The following VCPIP1 variants were observed in gnomAD, a reference collection of about 807,000 sequenced individuals.
VCPIP1 encodes the protein valosin containing protein interacting protein 1.
VCPIP1 carries 8 observed loss-of-function variants against 85.0 expected under a neutral mutation model. The observed-to-expected ratio is 0.09, with a 90% CI of 0.06 to 0.17. VCPIP1 has a LOEUF of 0.17. VCPIP1 is among the 10% of genes least tolerant of loss of function. VCPIP1 has a pLI of 1.00. For missense variants in VCPIP1, 1,070 were observed against 1,486.3 expected (o/e 0.72, Z 4.61); for synonymous variants, 543 against 544.5 (o/e 1.00, Z 0.04).
At chr8:66,645,402 G>C (rs2130159319) in intron 2 of VCPIP1, among the ~76,000 whole-genome samples, 1 of 152,182 alleles carries the variant, frequency 6.6e-6, no homozygotes, top group South Asian at 2.1e-4. Context: ...ATGGGCAACA[G>C]AGCAAGACTC....
chr8:66,662,182 A>C (rs534973808), intron 1 of VCPIP1, among the ~76,000 whole-genome samples: 1 of 152,218 alleles, frequency 6.6e-6, no homozygotes, highest in Non-Finnish European at 1.5e-5. Context: ...TCACCTGTAC[A>C]TCAAAACTTG....
At chr8:66,638,058 A>G (rs1176930583) in intron 2 of VCPIP1, among the ~76,000 whole-genome samples, 1 of 152,244 alleles carries the variant, frequency 6.6e-6, no homozygotes, top group Non-Finnish European at 1.5e-5. Context: ...TACATTAAAA[A>G]CCCAGAAACT....
chr8:66,634,013 TAATA>T lies in VCPIP1; in HGVS notation c.*484_*487del, dbSNP rs1481776813. 2.6e-5 allele frequency: 4 copies of T among 152,654 alleles called. 1 individual carries two copies. The highest frequency in any genetic ancestry group is 4.1e-4 in the South Asian group (2 of 4,834). The allele number at this position is 152,654 out of a possible 1,614,324, so 9.5% of individuals were successfully genotyped here. On this transcript the variant is annotated 3_prime_UTR_variant, in exon 3 of 3. Transcript: ENST00000310421. ...ATAGAAACATTTGCATTCCACTGTC[TAATA>T]AATAATTGTATGAATTTTAAGATAC...
intron 1 of VCPIP1, among the ~76,000 whole-genome samples, chr8:66,654,921 T>C (rs1254216509): frequency 2.6e-5 from 4 of 152,242 alleles, no homozygotes; most frequent in Admixed American, 6.5e-5. Flanking sequence ...AGTTGGACCT[T>C]GCCTTTCCCA....
At chr8:66,645,466 T>G (rs1810986300) in intron 2 of VCPIP1, among the ~76,000 whole-genome samples, 1 of 152,058 alleles carries the variant, frequency 6.6e-6, no homozygotes, top group African/African-American at 2.4e-5. Flanking sequence ...TTCTATGTAC[T>G]AGAAATGAAC....
At chr8:66,646,024 C>T (rs1423193488) in intron 2 of VCPIP1, among the ~76,000 whole-genome samples, 3 of 152,008 alleles carry the variant, frequency 2.0e-5, no homozygotes, top group Non-Finnish European at 2.9e-5. Flanking sequence ...TACAGATGCT[C>T]CTCAACTTAC....
At chr8:66,646,141 C>T (rs1272084466) in intron 2 of VCPIP1, among the ~76,000 whole-genome samples, 2 of 149,488 alleles carry the variant, frequency 1.3e-5, no homozygotes, top group African/African-American at 2.5e-5. Context: ...AGTGTGATCT[C>T]GGCTCAATGC....
Position 66,667,178 on chromosome 8 carries a change from C to G in VCPIP1, c.-220G>C. On this transcript the variant is annotated 5_prime_UTR_variant, in exon 1 of 3. Transcript: ENST00000310421. ...GCCGTTGCCCCGAACGTAACGGCCA[C>G]CACCCCACCCCGCACTCACACTCAC... 1 of 923,702 alleles carries G rather than the reference C, an allele frequency of 1.1e-6. No individual in the cohort carries two copies. Among genetic ancestry groups the G allele is most frequent in the Non-Finnish European group, 1.5e-6 (1 of 655,308 alleles). The allele number at this position is 923,702 out of a possible 1,614,324, so 57.2% of individuals were successfully genotyped here. A position where few individuals can be genotyped will look rare whatever the true frequency, so the allele number is the denominator to read the frequency against.
At chr8:66,637,665 A>C (rs567091713) in intron 2 of VCPIP1, among the ~76,000 whole-genome samples, 7 of 151,502 alleles carry the variant, frequency 4.6e-5, no homozygotes, top group Non-Finnish European at 1.0e-4. Flanking sequence ...TCTCTATCAC[A>C]TATCAACAAT....
rs547829723 is a variant in VCPIP1, at chr8:66,641,251, T to C, written c.2798-5879A>G. ...CCGTTTCAACTCCAGAGCTCTAAAC[T>C]ACCTCTTAATGATAAATACCACATG... On this transcript the variant is annotated intron_variant, in intron 2 of 2. Coordinates refer to ENST00000310421, the MANE Select transcript of VCPIP1 (RefSeq NM_025054.5). Among the ~76,000 whole-genome samples, 5 of 152,348 alleles carry C rather than the reference T, an allele frequency of 3.3e-5. No homozygotes were observed. The East Asian group carries it at 9.6e-4, about 29-fold the overall frequency.
At chr8:66,654,200 T>C (rs543082049) in intron 1 of VCPIP1, among the ~76,000 whole-genome samples, 1 of 152,314 alleles carries the variant, frequency 6.6e-6, no homozygotes, top group South Asian at 2.1e-4. Context: ...GAAGGTCAAA[T>C]TGGCCAGGCT....
chr8:66,648,363 G>A (rs1811015911), intron 2 of VCPIP1, among the ~76,000 whole-genome samples: 1 of 152,172 alleles, frequency 6.6e-6, no homozygotes, highest in Non-Finnish European at 1.5e-5. Flanking sequence ...ATGTAATCAT[G>A]AGTGTGGCTG....
chr8:66,656,418 C>T (rs1811101115), intron 1 of VCPIP1, among the ~76,000 whole-genome samples: 1 of 152,118 alleles, frequency 6.6e-6, no homozygotes, highest in African/African-American at 2.4e-5. Flanking sequence ...GTCTTGAATG[C>T]CTGGTCTCAG....
At chr8:66,663,616 C>A (rs951996140) in intron 1 of VCPIP1, among the ~76,000 whole-genome samples, 1 of 151,784 alleles carries the variant, frequency 6.6e-6, no homozygotes, top group Non-Finnish European at 1.5e-5. Context: ...CATTACCATC[C>A]ATCTCTGTTT....
chr8:66,663,294 T>C (rs1811175550), intron 1 of VCPIP1, among the ~76,000 whole-genome samples: 1 of 151,988 alleles, frequency 6.6e-6, no homozygotes, highest in South Asian at 2.1e-4. Context: ...TTTGATAGAT[T>C]AAGGCCCAAA....
chr8:66,637,652 AT>A, intron 2 of VCPIP1, among the ~76,000 whole-genome samples: 1 of 150,708 alleles, frequency 6.6e-6, no homozygotes, highest in African/African-American at 2.4e-5. Context: ...GCACATTAAA[AT>A]TTCTCTATCA....
Position 66,664,899 on chromosome 8 carries a change from T to C in VCPIP1, c.2060A>G (p.Gln687Arg). Residue 687 changes from glutamine to arginine, a missense_variant, in exon 1 of 3, where the codon CAG becomes CGG. By Grantham distance (43) the Gln-to-Arg change is conservative. Transcript: ENST00000310421. ...AGTAAGAATAATTTTAGTTGGGAGC[T>C]GAGACTCTGATTCTTGTCCTTGAAC... ...GDVQGQESES[Q>R]LPTKIILTGQ... 2.5e-6 allele frequency: 4 copies of C among 1,614,220 alleles called. No homozygotes were observed. Among genetic ancestry groups the C allele is most frequent in the Non-Finnish European group, 3.4e-6 (4 of 1,180,040 alleles).
chr8:66,656,826 T>C (rs563230601), intron 1 of VCPIP1, among the ~76,000 whole-genome samples: 5 of 151,972 alleles, frequency 3.3e-5, no homozygotes, highest in African/African-American at 4.8e-5. Flanking sequence ...GCCAGGCTGG[T>C]CTTGAACTCC....
At chr8:66,648,896 C>T (rs1181794952) in intron 2 of VCPIP1, among the ~76,000 whole-genome samples, 1 of 152,068 alleles carries the variant, frequency 6.6e-6, no homozygotes, top group African/African-American at 2.4e-5. Context: ...CACAGTGGCT[C>T]ACACGTGTAA....
Sources: allele counts gnomAD v4.1 joint callset (sites outside exome capture counted in the v4.1 genomes callset), GRCh38; gene constraint gnomAD v4.1.1; transcripts MANE v1.5; gene names NCBI Gene and HGNC (gene_info 2026-07-23, HGNC 2026-07-21).